Variants in PIAS1 observed in about 807,000 individuals in gnomAD.
PIAS1 encodes the protein protein inhibitor of activated STAT 1, also known as E3 SUMO-protein ligase PIAS1.
A neutral mutation model predicts 71.3 loss-of-function variants in PIAS1; 6 were observed. That is an observed-to-expected ratio of 0.08 (90% CI 0.05 to 0.17). PIAS1 has a LOEUF of 0.17. Ranked by LOEUF, PIAS1 falls within the 10% of genes least tolerant of loss-of-function variation. The pLI, the probability that PIAS1 is intolerant of heterozygous loss-of-function variation, is 1.00. For synonymous variants in PIAS1, 303 were observed against 292.9 expected, an observed-to-expected ratio of 1.03 and a Z score of -0.35; for missense variants, 555 against 793.6, an observed-to-expected ratio of 0.70 and a Z score of 3.61.
Position 68,142,350 on chromosome 15 carries a change from C to T in PIAS1, c.602+13C>T, listed in dbSNP as rs2092776475. On this transcript the variant is annotated intron_variant, in intron 4 of 13. Transcript: ENST00000249636. ...AGGTCCAGTTAAGGTACAGTGCTGA[C>T]TATAGGATATATTCAAAGTTTAAAA... 1.3e-6 allele frequency: 2 copies of T among 1,569,340 alleles called. No individual in the cohort carries two copies. The highest frequency in any genetic ancestry group is 1.4e-5 in the African/African-American group (1 of 73,950).
At chr15:68,181,585 ATCT>A (rs761802606) in intron 12 of PIAS1, 31 of 429,708 alleles carry the variant, frequency 7.2e-5, no homozygotes, top group Non-Finnish European at 1.1e-4. Flanking sequence ...TAGTGCAATA[ATCT>A]TTAGTTTTTG....
intron 13 of PIAS1, 129 bp downstream of exon 13, chr15:68,183,796 C>T: frequency 1.8e-6 from 1 of 541,408 alleles, no homozygotes; most frequent in South Asian, 2.1e-5. Flanking sequence ...GCTGAAAAAT[C>T]CCTACATCAA....
In PIAS1 at chr15:68,171,927, T is replaced by C. The variant is rs1034125746; in HGVS notation, c.1009-1805T>C. Among the ~76,000 whole-genome samples the C allele has an allele frequency of 2.0e-5, 3 of 151,772 alleles. No individual in the cohort carries two copies. Among genetic ancestry groups the C allele is most frequent in the African/African-American group, 7.2e-5 (3 of 41,396 alleles). On this transcript the variant is annotated intron_variant, in intron 8 of 13. Coordinates refer to ENST00000249636, the MANE Select transcript of PIAS1 (RefSeq NM_016166.3). The surrounding 1 kb of genome is among the most constrained non-coding windows in gnomAD (Gnocchi z 4.4). ...ATATATATTTTTTTCTTTTATATGT[T>C]TTATATATATATAAAATACTTTAAG...
rs117018051 is a variant in PIAS1, at chr15:68,076,953, A to G, written c.25-9353A>G. On this transcript the variant is annotated intron_variant, in intron 1 of 13. Coordinates refer to ENST00000249636, the MANE Select transcript of PIAS1 (RefSeq NM_016166.3). ...GTACAATAGAGGGGTGTAGGATACA[A>G]TTTTTCAAAAGGGGTTTGAAAGGCT... 7.6e-4 allele frequency among the ~76,000 whole-genome samples: 116 copies of G among 152,298 alleles called. 1 individual carries two copies. Among genetic ancestry groups the G allele is most frequent in the Admixed American group, 2.4e-3 (37 of 15,298 alleles).
chr15:68,110,632 C>T (rs1463873858), intron 2 of PIAS1, among the ~76,000 whole-genome samples: 3 of 151,580 alleles, frequency 2.0e-5, no homozygotes, highest in African/African-American at 2.4e-5. Flanking sequence ...CATGGTGGTG[C>T]GTGCCTGTAG....
Position 68,176,545 on chromosome 15 carries a change from G to C in PIAS1, c.1372G>C (p.Glu458Gln), listed in dbSNP as rs776828993. Residue 458 changes from glutamate (E) to glutamine (Q), a missense_variant, in exon 11 of 14, where the codon GAA (glutamate) becomes CAA (glutamine). Transcript: ENST00000249636. ...GTCCTCAAATAAAAACAAGAAAGTA[G>C]AAGTGATTGACCTAACCATAGACAG... is the stretch of plus-strand genomic sequence containing the variant. The part of the protein sequence containing the change: ...HQSSNKNKKV[E>Q]VIDLTIDSSS... 9 of 1,612,924 alleles carry C rather than the reference G, an allele frequency of 5.6e-6. No homozygotes were observed. The East Asian group carries it at 2.0e-4, about 36-fold the overall frequency.
intron 1 of PIAS1, among the ~76,000 whole-genome samples, chr15:68,056,415 C>G (rs185545356): frequency 1.3e-5 from 2 of 152,262 alleles, no homozygotes; most frequent in East Asian, 3.9e-4. Flanking sequence ...CGAAAATGAA[C>G]CAGTATCAGA....
intron 2 of PIAS1, among the ~76,000 whole-genome samples, chr15:68,135,602 T>G (rs1226570263): frequency 2.1e-5 from 1 of 47,194 alleles, no homozygotes; most frequent in African/African-American, 5.3e-5. Context: ...CCGGACGGGG[T>G]GGCTGGCCGG....
In PIAS1 at chr15:68,187,637, A is replaced by G. The variant is rs2093096710; in HGVS notation, c.1758A>G (p.Ser586=). The part of the protein sequence containing the change: ...HSSRFFPYTS[S]QMFLDQLSAG... ...CTCGGTTTTTCCCGTATACCTCCTC[A>G]CAGATGTTTCTTGATCAGTTAAGTG... Residue 586 remains serine, a synonymous_variant, in exon 14 of 14, where the codon TCA becomes TCG. Transcript: ENST00000249636. This position sits in a 1 kb window ranked among gnomAD's most constrained non-coding sequence, Gnocchi z 5.3. 6.2e-7 allele frequency: 1 copy of G among 1,613,848 alleles called. No homozygotes were observed. Among genetic ancestry groups the G allele is most frequent in the Non-Finnish European group, 8.5e-7 (1 of 1,179,836 alleles).
intron 4 of PIAS1, among the ~76,000 whole-genome samples, chr15:68,143,656 T>G (rs1351407680): frequency 2.0e-5 from 3 of 152,146 alleles, no homozygotes; most frequent in African/African-American, 7.2e-5. Context: ...TAATTATGTA[T>G]TGCTGTAGTC....
intron 9 of PIAS1, among the ~76,000 whole-genome samples, chr15:68,175,420 A>C (rs2093015081): frequency 1.3e-5 from 2 of 152,170 alleles, no homozygotes; most frequent in Non-Finnish European, 2.9e-5. Flanking sequence ...TCTTTTGTTG[A>C]CGTTTTCTCA....
chr15:68,070,296 C>CA (rs2092081052), intron 1 of PIAS1, among the ~76,000 whole-genome samples: 2 of 152,136 alleles, frequency 1.3e-5, no homozygotes, highest in South Asian at 4.1e-4. Context: ...TAGGGCATGA[C>CA]AACATCAATG....
chr15:68,165,542 T>C (rs926364230), intron 8 of PIAS1, among the ~76,000 whole-genome samples: 2 of 152,240 alleles, frequency 1.3e-5, no homozygotes, highest in African/African-American at 2.4e-5. Context: ...TAAAAACTTC[T>C]GTTCAGCCTA....
chr15:68,181,062 G>A (rs2093050846), intron 11 of PIAS1, 150 bp from the exon 12 acceptor site: 1 of 625,358 alleles, frequency 1.6e-6, no homozygotes, highest in Non-Finnish European at 2.8e-6. Context: ...TCATAATTGT[G>A]TATAATCTAA....
intron 1 of PIAS1, among the ~76,000 whole-genome samples, chr15:68,084,245 CT>C (rs200965136): frequency 1.1e-4 from 17 of 151,470 alleles, no homozygotes; most frequent in Admixed American, 3.3e-4. Flanking sequence ...AAAATTTGTA[CT>C]TTTTTTTTCT....
intron 6 of PIAS1, among the ~76,000 whole-genome samples, chr15:68,152,771 C>CCTT (rs1463880592): frequency 6.6e-6 from 1 of 152,134 alleles, no homozygotes; most frequent in African/African-American, 2.4e-5. Flanking sequence ...AGAAACTGAT[C>CCTT]CTTCTCATTT....
intron 12 of PIAS1, among the ~76,000 whole-genome samples, chr15:68,183,037 G>A (rs901238519): frequency 2.0e-5 from 3 of 152,166 alleles, no homozygotes; most frequent in African/African-American, 7.2e-5. Context: ...GGGCCTCCTT[G>A]CAGTGAATCC....
intron 7 of PIAS1, among the ~76,000 whole-genome samples, chr15:68,154,634 C>T (rs1314153991): frequency 6.6e-6 from 1 of 152,184 alleles, no homozygotes; most frequent in African/African-American, 2.4e-5. Context: ...GATCCCACTA[C>T]CCCTGAATAT....
intron 8 of PIAS1, among the ~76,000 whole-genome samples, chr15:68,170,188 G>C (rs1386926967): frequency 6.6e-6 from 1 of 152,146 alleles, no homozygotes; most frequent in African/African-American, 2.4e-5. Context: ...AATCAGTTTT[G>C]CATGCCTTAA....
Sources: gnomAD v4.1 joint callset for allele counts (sites outside exome capture counted in the v4.1 genomes callset) on GRCh38, gnomAD v4.1.1 for gene constraint, Gnocchi (gnomAD v3.1) non-coding constraint, MANE v1.5 for transcripts, NCBI Gene and HGNC (gene_info 2026-07-23, HGNC 2026-07-21) for gene names.